The following MTA3 variants were observed in gnomAD, a reference collection of about 807,000 sequenced individuals.
MTA3 encodes metastasis associated 1 family member 3, also known as metastasis-associated protein MTA3.
In MTA3, 34 loss-of-function variants were observed where a neutral mutation model predicts 83.5. The ratio of observed to expected loss-of-function variants is 0.41; its 90% CI spans 0.31 to 0.54. The LOEUF (loss-of-function observed/expected upper bound fraction) is 0.54. Ranked by LOEUF, MTA3 falls within the 20% of genes least tolerant of loss-of-function variation. The probability of loss-of-function intolerance (pLI) is 0.33; values close to 1 mark genes in which losing one functional copy is unlikely to be tolerated. For missense variants in MTA3, 761 were observed against 726.4 expected, an observed-to-expected ratio of 1.05 and a Z score of -0.55; for synonymous variants, 303 against 252.7, an observed-to-expected ratio of 1.20 and a Z score of -1.89.
At chr2:42,704,675 T>A (rs1450311108) in intron 12 of MTA3, among the ~76,000 whole-genome samples, 2 of 152,200 alleles carry the variant, frequency 1.3e-5, no homozygotes, top group African/African-American at 4.8e-5. Context: ...CTCAGTATAC[T>A]TTGACAAATT....
At position 42,754,729 on chromosome 2, in the gene MTA3, C is replaced by G; in HGVS notation, c.*1330C>G. 2.0e-6 allele frequency: 2 copies of G among 985,454 alleles called. No homozygotes were observed. The highest frequency in any genetic ancestry group is 2.4e-6 in the Non-Finnish European group (2 of 829,962). The allele number at this position is 985,454 out of a possible 1,614,324, so 61.0% of individuals were successfully genotyped here. The stretch of plus-strand genomic sequence containing the variant: ...CAGCTGGATGGCAGATACGAGAGGC[C>G]CAAATAGCCAAGCTGTTGCAAGACA... On this transcript the variant is annotated 3_prime_UTR_variant, in exon 17 of 17. Coordinates refer to ENST00000405094, the MANE Select transcript of MTA3 (RefSeq NM_001330442.2).
intron 6 of MTA3, among the ~76,000 whole-genome samples, chr2:42,649,217 G>A (rs1171868786): frequency 6.6e-6 from 1 of 152,068 alleles, no homozygotes; most frequent in African/African-American, 2.4e-5. Flanking sequence ...CAACCACGGT[G>A]AAACCCCATC....
At chr2:42,709,277 T>TG (rs1666396792) in intron 14 of MTA3, 181 bp downstream of exon 14, 2 of 1,340,556 alleles carry the variant, frequency 1.5e-6, no homozygotes, top group Non-Finnish European at 1.9e-6. Context: ...CATGCCAACC[T>TG]GGAAAAAAAA....
intron 2 of MTA3, among the ~76,000 whole-genome samples, chr2:42,549,965 C>G (rs1300399265): frequency 6.6e-6 from 1 of 151,648 alleles, no homozygotes; most frequent in Non-Finnish European, 1.5e-5. Flanking sequence ...TTGATTGTTG[C>G]TGTATCACAG....
At chr2:42,515,270 G>A (rs1005376620) in intron 2 of MTA3, among the ~76,000 whole-genome samples, 2 of 151,880 alleles carry the variant, frequency 1.3e-5, no homozygotes, top group Non-Finnish European at 2.9e-5. Flanking sequence ...TGTTGGCCAG[G>A]CTGGTCTCAA....
intron 2 of MTA3, among the ~76,000 whole-genome samples, chr2:42,573,564 A>G (rs1449196250): frequency 2.0e-5 from 3 of 152,098 alleles, no homozygotes; most frequent in Admixed American, 2.0e-4. Flanking sequence ...AGGCTGGAGT[A>G]CAATGGCATG....
At chr2:42,657,099 A>G (rs1014422800) in intron 7 of MTA3, among the ~76,000 whole-genome samples, 1 of 152,156 alleles carries the variant, frequency 6.6e-6, no homozygotes, top group Non-Finnish European at 1.5e-5. Flanking sequence ...TATATAGGGA[A>G]CTCTAACAAA....
chr2:42,545,508 G>T (rs1220894990), intron 2 of MTA3, among the ~76,000 whole-genome samples: 2 of 152,172 alleles, frequency 1.3e-5, no homozygotes, highest in African/African-American at 4.8e-5. Flanking sequence ...GGAAGGGAGA[G>T]TGGGAGGTTC....
intron 16 of MTA3, among the ~76,000 whole-genome samples, chr2:42,737,456 C>T (rs962821476): frequency 6.6e-6 from 1 of 152,156 alleles, no homozygotes. Context: ...TTCTCCCTCC[C>T]TCTTCCCTTC....
At chr2:42,664,847 G>A (rs914475621) in intron 8 of MTA3, among the ~76,000 whole-genome samples, 1 of 151,988 alleles carries the variant, frequency 6.6e-6, no homozygotes, top group African/African-American at 2.4e-5. Flanking sequence ...ATCTGACATC[G>A]ATTTATCCGA....
intron 2 of MTA3, among the ~76,000 whole-genome samples, chr2:42,574,063 C>G (rs1320245980): frequency 6.6e-6 from 1 of 150,418 alleles, no homozygotes; most frequent in Non-Finnish European, 1.5e-5. Flanking sequence ...GTCTCGATCT[C>G]CTGACCTTGT....
chr2:42,496,000 C>A (rs978465523), intron 2 of MTA3, among the ~76,000 whole-genome samples: 50 of 152,274 alleles, frequency 3.3e-4, no homozygotes, highest in Non-Finnish European at 7.1e-4. Flanking sequence ...GCCAATTCAT[C>A]AGGAAGCCGT....
intron 2 of MTA3, among the ~76,000 whole-genome samples, chr2:42,515,551 A>G (rs941265402): frequency 8.6e-5 from 13 of 150,714 alleles, no homozygotes; most frequent in African/African-American, 3.2e-4. Context: ...CTCCCAGGCT[A>G]GAGTGCAGTG....
chr2:42,579,315 T>C lies in MTA3; in HGVS notation c.190+115T>C, dbSNP rs532198905. 6.3e-5 allele frequency: 46 copies of C among 733,954 alleles called. No homozygotes were observed. In the African/African-American group the frequency reaches 7.2e-4, roughly 11 times the overall value. The allele number at this position is 733,954 out of a possible 1,614,324, so 45.5% of individuals were successfully genotyped here. On this transcript the variant is annotated intron_variant, in intron 3 of 16. Transcript: ENST00000405094. ...TTTGCTTGTCCATTTATCTTCTTTG[T>C]AGTTTTGATGGGAGTAAAATAAGTG...
Position 42,733,544 on chromosome 2 carries a change from T to C in MTA3, c.1759+10509T>C, listed in dbSNP as rs142038319. On this transcript the variant is annotated intron_variant, in intron 16 of 16. Transcript: ENST00000405094. ...TTTGCTTTTGCTATATCCCATAGGT[T>C]TTGGTATGTTGTATTTCCCTTATCA... Among the ~76,000 whole-genome samples the C allele has an allele frequency of 6.9e-4, 105 of 152,366 alleles. 1 individual carries two copies. The highest frequency in any genetic ancestry group is 2.3e-3 in the African/African-American group (95 of 41,590).
At chr2:42,601,000 G>A (rs1221770648) in intron 3 of MTA3, among the ~76,000 whole-genome samples, 1 of 151,902 alleles carries the variant, frequency 6.6e-6, no homozygotes, top group Non-Finnish European at 1.5e-5. Flanking sequence ...TCCGCCTCCC[G>A]GGTTCAGGTA....
At chr2:42,701,847 AG>A (rs1192184209) in intron 11 of MTA3, among the ~76,000 whole-genome samples, 2 of 151,812 alleles carry the variant, frequency 1.3e-5, no homozygotes, top group African/African-American at 4.8e-5. Flanking sequence ...TGCCGGGGGC[AG>A]AGGTTGCAGT....
At chr2:42,721,749 C>T (rs1667426095) in intron 15 of MTA3, among the ~76,000 whole-genome samples, 1 of 152,188 alleles carries the variant, frequency 6.6e-6, no homozygotes, top group African/African-American at 2.4e-5. Context: ...AGCGTATTCT[C>T]TTCCCTCATA....
At chr2:42,729,272 A>AT (rs900202526) in intron 16 of MTA3, among the ~76,000 whole-genome samples, 412 of 142,666 alleles carry the variant, frequency 2.9e-3, no homozygotes, top group Admixed American at 7.5e-3. Context: ...AATTTTTTGT[A>AT]TTTTTTTTTT....
Sources: gnomAD v4.1 joint callset for allele counts (sites outside exome capture counted in the v4.1 genomes callset) on GRCh38, gnomAD v4.1.1 for gene constraint, MANE v1.5 for transcripts, NCBI Gene and HGNC (gene_info 2026-07-23, HGNC 2026-07-21) for gene names.